MTAP: variants seen among roughly 807,000 people sequenced by gnomAD.
MTAP encodes the protein methylthioadenosine phosphorylase.
MTAP carries 33 observed loss-of-function variants against 33.6 expected under a neutral mutation model. The observed-to-expected ratio is 0.98, with a 90% confidence interval of 0.74 to 1.31. The LOEUF (loss-of-function observed/expected upper bound fraction) is 1.31, where lower values mean the gene tolerates loss of function less well. Ranked by LOEUF, MTAP falls within the 40% of genes most tolerant of loss-of-function variation. MTAP has a pLI of 0.00. For synonymous variants in MTAP, 148 were observed against 125.7 expected (o/e 1.18, Z -1.19); for missense variants, 367 against 360.0 (o/e 1.02, Z -0.16).
intron 4 of MTAP, among the ~76,000 whole-genome samples, chr9:21,824,920 CT>C (rs1178934696): frequency 6.6e-6 from 1 of 152,200 alleles, no homozygotes; most frequent in Non-Finnish European, 1.5e-5. Flanking sequence ...ATATAATCTC[CT>C]GGTGTGCCGT....
chr9:21,915,869 AC>A (rs1347372030), intron 1 of MTAP, among the ~76,000 whole-genome samples: 2 of 152,016 alleles, frequency 1.3e-5, no homozygotes, highest in Non-Finnish European at 2.9e-5. Flanking sequence ...CTATGTCTCT[AC>A]AAAAAAATAC....
chr9:21,911,278 C>G (rs1358603312), intron 1 of MTAP, among the ~76,000 whole-genome samples: 1 of 152,136 alleles, frequency 6.6e-6, no homozygotes, highest in Admixed American at 6.5e-5. Context: ...ACCAAGCAGA[C>G]CTAATAGACA....
chr9:21,851,834 C>G (rs1273237845), intron 5 of MTAP, among the ~76,000 whole-genome samples: 4 of 152,112 alleles, frequency 2.6e-5, no homozygotes. Flanking sequence ...AGAGACTAGC[C>G]TAGTCCCCCA....
chr9:21,915,001 T>TTCTC (rs1818654072), intron 1 of MTAP, among the ~76,000 whole-genome samples: 1 of 12,998 alleles, frequency 7.7e-5, no homozygotes, highest in Admixed American at 6.9e-4. Flanking sequence ...TTTGTTTTCT[T>TTCTC]TCCTTCCTTC....
intron 1 of MTAP, among the ~76,000 whole-genome samples, chr9:21,874,804 C>T (rs1458065363): frequency 1.3e-5 from 2 of 151,474 alleles, no homozygotes; most frequent in African/African-American, 2.4e-5. Context: ...ACCATCAACC[C>T]GTCATCTACA....
At chr9:21,861,708 G>T in intron 7 of MTAP, 1 of 468,634 alleles carries the variant, frequency 2.1e-6, no homozygotes, top group East Asian at 3.8e-5. Context: ...GGCTGGTATG[G>T]CAATAAGTGA....
At chr9:21,898,331 T>G (rs1255612953) in intron 1 of MTAP, among the ~76,000 whole-genome samples, 2 of 152,192 alleles carry the variant, frequency 1.3e-5, no homozygotes, top group Non-Finnish European at 1.5e-5. Flanking sequence ...GGCAAGGACT[T>G]CATGACTACA....
At chr9:21,925,409 A>G (rs1251681048) in intron 1 of MTAP, among the ~76,000 whole-genome samples, 1 of 152,194 alleles carries the variant, frequency 6.6e-6, no homozygotes, top group Non-Finnish European at 1.5e-5. Flanking sequence ...CATCTTCAAC[A>G]TAGCTTCCTC....
At chr9:21,903,068 T>A (rs1013235021) in intron 1 of MTAP, among the ~76,000 whole-genome samples, 5 of 147,416 alleles carry the variant, frequency 3.4e-5, no homozygotes, top group Non-Finnish European at 6.2e-5. Context: ...TGTTGTCTTC[T>A]CCTTAAGTAT....
chr9:21,831,329 C>T (rs1824961034), intron 4 of MTAP, among the ~76,000 whole-genome samples: 1 of 151,934 alleles, frequency 6.6e-6, no homozygotes, highest in Non-Finnish European at 1.5e-5. Context: ...AAAAGATGCC[C>T]ACATTGTATT....
intron 4 of MTAP, among the ~76,000 whole-genome samples, chr9:21,819,853 T>C (rs1434771235): frequency 6.6e-6 from 1 of 152,230 alleles, no homozygotes; most frequent in Admixed American, 6.5e-5. Context: ...TGAGATGGTA[T>C]CTCATTGTGG....
At chr9:21,917,374 A>C (rs1199431102) in intron 1 of MTAP, among the ~76,000 whole-genome samples, 1 of 152,210 alleles carries the variant, frequency 6.6e-6, no homozygotes, top group Non-Finnish European at 1.5e-5. Context: ...CAGAGCAGAG[A>C]CGAAAGCAAG....
chr9:21,939,705 A>AAATAATAAT (rs61336285), downstream of MTAP, among the ~76,000 whole-genome samples: 1,627 of 150,766 alleles, frequency 0.011, 31 homozygotes, highest in African/African-American at 0.038. Flanking sequence ...CTCTATGAAA[A>AAATAATAAT]AATAATAATA....
intron 1 of MTAP, among the ~76,000 whole-genome samples, chr9:21,883,215 G>C (rs1265930727): frequency 1.3e-5 from 2 of 151,644 alleles, no homozygotes; most frequent in African/African-American, 4.8e-5. Context: ...AGAAAAGGGA[G>C]TAAAAGATTT....
At chr9:21,805,081 G>T (rs1416490871) in intron 1 of MTAP, among the ~76,000 whole-genome samples, 1 of 152,228 alleles carries the variant, frequency 6.6e-6, no homozygotes, top group African/African-American at 2.4e-5. Flanking sequence ...AACCCCATTG[G>T]TGTCACTGGC....
chr9:21,855,035 CAAAG>C (rs1168708864), intron 6 of MTAP, among the ~76,000 whole-genome samples, 165 bp downstream of exon 6: 1 of 152,036 alleles, frequency 6.6e-6, no homozygotes, highest in Non-Finnish European at 1.5e-5. Flanking sequence ...GAACAAAGAT[CAAAG>C]GAAAGAAAGA....
intron 3 of MTAP, among the ~76,000 whole-genome samples, chr9:21,817,438 C>T (rs1316798627): frequency 6.6e-6 from 1 of 152,012 alleles, no homozygotes; most frequent in Admixed American, 6.5e-5. Context: ...GAGTCCCCAT[C>T]TGGAGCTTGA....
intron 1 of MTAP, among the ~76,000 whole-genome samples, chr9:21,926,264 C>G (rs1323845706): frequency 1.3e-5 from 2 of 152,088 alleles, no homozygotes; most frequent in African/African-American, 4.8e-5. Flanking sequence ...GACTTCATCC[C>G]CTAATTGAAA....
chr9:21,931,303 G>T (rs1818954321), downstream of MTAP: 1 of 577,362 alleles, frequency 1.7e-6, no homozygotes, highest in Non-Finnish European at 3.1e-6. Flanking sequence ...TTGGGTCATG[G>T]ATTTTTGCGG....
Sources: allele counts gnomAD v4.1 joint callset (sites outside exome capture counted in the v4.1 genomes callset), GRCh38; gene constraint gnomAD v4.1.1; transcripts MANE v1.5; gene names NCBI Gene and HGNC (gene_info 2026-07-23, HGNC 2026-07-21).